The following KIF13B variants were observed in gnomAD, a reference collection of about 807,000 sequenced individuals.
KIF13B encodes kinesin-like protein KIF13B.
Under a neutral mutation model 222.0 loss-of-function variants are expected in KIF13B, and 127 were observed. The ratio of observed to expected loss-of-function variants is 0.57; its 90% CI spans 0.50 to 0.66. KIF13B has a LOEUF of 0.66. KIF13B is among the 30% of genes least tolerant of loss of function. The pLI, the probability that KIF13B is intolerant of heterozygous loss-of-function variation, is 0.00. For synonymous variants in KIF13B, 976 were observed against 919.0 expected, an observed-to-expected ratio of 1.06 and a Z score of -1.12; for missense variants, 2,173 against 2,379.0, an observed-to-expected ratio of 0.91 and a Z score of 1.80.
intron 1 of KIF13B, among the ~76,000 whole-genome samples, chr8:29,253,283 G>A (rs1400463315): frequency 2.6e-5 from 4 of 152,210 alleles, no homozygotes; most frequent in South Asian, 2.1e-4. Context: ...GTTACAGGCT[G>A]TGATGAGCTA....
intron 36 of KIF13B, among the ~76,000 whole-genome samples, chr8:29,097,140 G>A (rs985298668): frequency 3.9e-5 from 6 of 152,100 alleles, no homozygotes; most frequent in Non-Finnish European, 5.9e-5. Context: ...AAGATACATC[G>A]TGCAAACAGT....
chr8:29,144,885 TC>T (rs1810984554), intron 18 of KIF13B, among the ~76,000 whole-genome samples: 2 of 152,212 alleles, frequency 1.3e-5, no homozygotes, highest in South Asian at 4.1e-4. Context: ...CATGAGTTCT[TC>T]CAGGCGTTGA....
intron 37 of KIF13B, among the ~76,000 whole-genome samples, chr8:29,077,853 TGGCACCAG>T: frequency 6.6e-6 from 1 of 152,206 alleles, no homozygotes; most frequent in Non-Finnish European, 1.5e-5. Context: ...GCGGGGGGCG[TGGCACCAG>T]GTGCCTCAGG....
In KIF13B at chr8:29,075,214, C is replaced by T. The variant is rs1027797257; in HGVS notation, c.4521+67G>A. 5.4e-6 allele frequency: 7 copies of T among 1,305,830 alleles called. No homozygotes were observed. The African/African-American group carries it at 7.3e-5, about 14-fold the overall frequency. 80.9% of individuals were successfully genotyped at this position (1,305,830 alleles called of 1,614,324 possible). A position where few individuals can be genotyped will look rare whatever the true frequency, so the allele number is the denominator to read the frequency against. On this transcript the variant is annotated intron_variant, in intron 38 of 39. Coordinates refer to ENST00000524189, the MANE Select transcript of KIF13B (RefSeq NM_015254.4). ...TCAAAAACTGTGGGTGTGGACTCAA[C>T]AGTTTCGGCATCAGGGCCACCTGCT...
chr8:29,161,717 AC>A (rs1811789785), intron 12 of KIF13B, among the ~76,000 whole-genome samples: 1 of 148,016 alleles, frequency 6.8e-6, no homozygotes, highest in East Asian at 2.0e-4. Flanking sequence ...CCAAAAAAAA[AC>A]AAAAAACAAA....
intron 1 of KIF13B, among the ~76,000 whole-genome samples, chr8:29,246,158 T>G (rs1358425083): frequency 6.6e-6 from 1 of 152,032 alleles, no homozygotes; most frequent in African/African-American, 2.4e-5. Flanking sequence ...GGCGGGTGGA[T>G]TACTTGAGGT....
At chr8:29,194,787 G>A (rs1254388093) in intron 3 of KIF13B, among the ~76,000 whole-genome samples, 5 of 152,106 alleles carry the variant, frequency 3.3e-5, no homozygotes, top group Admixed American at 6.5e-5. Context: ...TGTTCAACAA[G>A]TACACCTCTC....
Position 29,135,431 on chromosome 8 carries a change from C to T in KIF13B, c.2614-1221G>A, listed in dbSNP as rs533785417. 1.1e-4 allele frequency among the ~76,000 whole-genome samples: 16 copies of T among 152,286 alleles called. No homozygotes were observed. The East Asian group carries it at 2.3e-3, about 22-fold the overall frequency. The stretch of plus-strand genomic sequence containing the variant: ...TACGAAGAAAATGAAATCCTGAAGT[C>T]GTTAAGCTAAGTTCTGACTTTATAA... On this transcript the variant is annotated intron_variant, in intron 21 of 39. Transcript: ENST00000524189.
intron 3 of KIF13B, among the ~76,000 whole-genome samples, chr8:29,195,034 G>A (rs1228766865): frequency 2.0e-5 from 3 of 152,066 alleles, no homozygotes; most frequent in Non-Finnish European, 2.9e-5. Flanking sequence ...CATCATTTGA[G>A]GACAGGAGTT....
intron 32 of KIF13B, among the ~76,000 whole-genome samples, chr8:29,112,169 G>T (rs551447460): frequency 8.5e-5 from 13 of 152,206 alleles, no homozygotes; most frequent in Admixed American, 2.6e-4. Flanking sequence ...GCTGATCTCC[G>T]GCCAGGCATA....
chr8:29,110,718 T>C (rs1563709868), intron 32 of KIF13B: 1 of 152,240 alleles, frequency 6.6e-6, no homozygotes, highest in Non-Finnish European at 1.5e-5. Context: ...TCCCCAATCC[T>C]GGGATGTGAG....
Position 29,126,531 on chromosome 8 carries a change from ACAAAGAAC to A in KIF13B, c.3223-28_3223-21del. The A allele has an allele frequency of 7.3e-7, 1 of 1,376,580 alleles. No individual in the cohort carries two copies. The highest frequency in any genetic ancestry group is 1.0e-6 in the Non-Finnish European group (1 of 976,840). The allele number at this position is 1,376,580 out of a possible 1,614,324, so 85.3% of individuals were successfully genotyped here. The stretch of plus-strand genomic sequence containing the variant: ...TTCCTCCTAAAAGAAAATATACATT[ACAAAGAAC>A]TGAATTATTGATTTATCCAAGAATC... On this transcript the variant is annotated intron_variant, in intron 25 of 39. Transcript: ENST00000524189.
chr8:29,164,851 G>GTT (rs754177287), intron 12 of KIF13B, among the ~76,000 whole-genome samples: 4 of 140,254 alleles, frequency 2.9e-5, no homozygotes, highest in Non-Finnish European at 3.1e-5. Flanking sequence ...ACCCTAACGT[G>GTT]TTTTTTTTTT....
At chr8:29,147,251 G>A (rs1811097078) in intron 17 of KIF13B, 141 bp downstream of exon 17, 3 of 654,334 alleles carry the variant, frequency 4.6e-6, no homozygotes, top group Non-Finnish European at 7.8e-6. Flanking sequence ...ATGCAAAGTG[G>A]TTCTTGGCTG....
chr8:29,097,511 A>G (rs1288009420), intron 36 of KIF13B, among the ~76,000 whole-genome samples: 1 of 152,204 alleles, frequency 6.6e-6, no homozygotes, highest in Non-Finnish European at 1.5e-5. Flanking sequence ...TATACATAGA[A>G]CATCATGTCC....
chr8:29,102,754 A>C (rs1352873918), intron 35 of KIF13B, among the ~76,000 whole-genome samples: 3 of 152,226 alleles, frequency 2.0e-5, no homozygotes. Flanking sequence ...ATCTCCTCCC[A>C]GGGCTGCGTG....
chr8:29,089,698 A>G (rs184173374), intron 37 of KIF13B, among the ~76,000 whole-genome samples: 11 of 152,158 alleles, frequency 7.2e-5, no homozygotes, highest in African/African-American at 2.6e-4. Flanking sequence ...GTTCGAGACC[A>G]GCCTTGCCAA....
chr8:29,197,350 A>AAAAAAAAAAAAC (rs1563779817), intron 2 of KIF13B, among the ~76,000 whole-genome samples: 4 of 149,284 alleles, frequency 2.7e-5, no homozygotes, highest in Non-Finnish European at 6.0e-5. Flanking sequence ...AAAAAAAAAA[A>AAAAAAAAAAAAC]AAAAAAAAAA....
chr8:29,142,018 G>A, intron 19 of KIF13B, 139 bp downstream of exon 19: 2 of 566,828 alleles, frequency 3.5e-6, no homozygotes, highest in Non-Finnish European at 6.1e-6. Context: ...AACAATTTAG[G>A]GGATTAAAAT....
Sources: allele counts gnomAD v4.1 joint callset (sites outside exome capture counted in the v4.1 genomes callset), GRCh38; gene constraint gnomAD v4.1.1; transcripts MANE v1.5; gene names NCBI Gene and HGNC (gene_info 2026-07-23, HGNC 2026-07-21).